The following KAT2B variants were observed in gnomAD, a reference collection of about 807,000 sequenced individuals.
KAT2B encodes histone acetyltransferase KAT2B.
A neutral mutation model predicts 105.9 loss-of-function variants in KAT2B; 36 were observed. The observed-to-expected ratio is 0.34, with a 90% confidence interval of 0.26 to 0.45. The LOEUF is 0.45. KAT2B is among the 20% of genes least tolerant of loss of function. The probability of loss-of-function intolerance (pLI) is 1.00; values close to 1 mark genes in which losing one functional copy is unlikely to be tolerated. For synonymous variants in KAT2B, 397 were observed against 377.9 expected, an observed-to-expected ratio of 1.05 and a Z score of -0.59; for missense variants, 820 against 1,021.6, an observed-to-expected ratio of 0.80 and a Z score of 2.69.
chr3:20,130,039 A>G (rs1002401806), intron 11 of KAT2B, among the ~76,000 whole-genome samples: 1 of 151,884 alleles, frequency 6.6e-6, no homozygotes, highest in Admixed American at 6.5e-5. Flanking sequence ...GAATGCAGTG[A>G]TGTGATCTGC....
chr3:20,056,014 G>T (rs1697998291), intron 1 of KAT2B, among the ~76,000 whole-genome samples: 1 of 152,190 alleles, frequency 6.6e-6, no homozygotes, highest in African/African-American at 2.4e-5. Flanking sequence ...GGACGTACTA[G>T]TTTGTTTATC....
intron 5 of KAT2B, among the ~76,000 whole-genome samples, chr3:20,110,170 A>G (rs1201680366): frequency 6.6e-6 from 1 of 152,208 alleles, no homozygotes; most frequent in Non-Finnish European, 1.5e-5. Flanking sequence ...GAGAACAGGA[A>G]AGCACATAGG....
chr3:20,150,021 A>G (rs1312688371), intron 17 of KAT2B, among the ~76,000 whole-genome samples: 2 of 152,176 alleles, frequency 1.3e-5, no homozygotes, highest in Non-Finnish European at 2.9e-5. Context: ...CGTCGATCAT[A>G]GCCTACTTGC....
chr3:20,042,773 G>A (rs1295927322), intron 1 of KAT2B, among the ~76,000 whole-genome samples: 1 of 152,110 alleles, frequency 6.6e-6, no homozygotes, highest in Non-Finnish European at 1.5e-5. Flanking sequence ...GAGCATATGT[G>A]GCCTGCATTG....
At chr3:20,095,524 T>G in intron 3 of KAT2B, 116 bp downstream of exon 3, 1 of 646,622 alleles carries the variant, frequency 1.5e-6, no homozygotes, top group East Asian at 2.8e-5. Context: ...GCCCTCAGAG[T>G]TTGCTGAACA....
At position 20,099,927 on chromosome 3, in the gene KAT2B, C is replaced by G. The variant is rs910841682; in HGVS notation, c.642C>G (p.Pro214=). The G allele has an allele frequency of 1.9e-6, 3 of 1,605,584 alleles. No homozygotes were observed. The highest frequency in any genetic ancestry group is 2.2e-5 in the South Asian group (2 of 90,816). The change falls in exon 4 of 18, where the codon CCC becomes CCG. Residue 214 remains proline, a synonymous_variant. Coordinates refer to ENST00000263754, the MANE Select transcript of KAT2B (RefSeq NM_003884.5). The part of the protein sequence containing the change: ...PVVEGSLEKK[P]PFEKPSIEQG... ...TTGAAGGCTCTTTGGAAAAGAAACC[C>G]CCATTTGAAAAACCTAGCATTGAAC... is the stretch of plus-strand genomic sequence containing the variant.
chr3:20,120,642 C>T (rs866519748), intron 8 of KAT2B, among the ~76,000 whole-genome samples: 2 of 152,160 alleles, frequency 1.3e-5, no homozygotes, highest in Admixed American at 6.5e-5. Flanking sequence ...TGCAAAGTCA[C>T]ATAGCAAAGA....
chr3:20,122,084 T>C (rs569690791), intron 8 of KAT2B, among the ~76,000 whole-genome samples: 2 of 152,080 alleles, frequency 1.3e-5, no homozygotes, highest in African/African-American at 2.4e-5. Flanking sequence ...CAACCAACGG[T>C]TGAGGCTTTA....
At chr3:20,112,872 A>G (rs549175687) in intron 6 of KAT2B, among the ~76,000 whole-genome samples, 1 of 152,348 alleles carries the variant, frequency 6.6e-6, no homozygotes, top group South Asian at 2.1e-4. Context: ...AATTCATAAC[A>G]ATAAGTTAGG....
chr3:20,062,586 C>CAGCTA (rs1165504694), intron 1 of KAT2B, among the ~76,000 whole-genome samples: 2 of 150,400 alleles, frequency 1.3e-5, no homozygotes, highest in Non-Finnish European at 3.0e-5. Context: ...CTCAGCTTCC[C>CAGCTA]GAGTAGCTGG....
At chr3:20,065,643 A>T (rs1428733785) in intron 1 of KAT2B, among the ~76,000 whole-genome samples, 1 of 152,150 alleles carries the variant, frequency 6.6e-6, no homozygotes, top group African/African-American at 2.4e-5. Flanking sequence ...AAAATTTTGT[A>T]CACTTAGGTT....
intron 13 of KAT2B, among the ~76,000 whole-genome samples, chr3:20,145,260 A>G (rs767461506): frequency 6.6e-6 from 1 of 152,246 alleles, no homozygotes; most frequent in Non-Finnish European, 1.5e-5. Flanking sequence ...AAATGCGGCT[A>G]GTAGAAAAAT....
chr3:20,114,153 G>C (rs181618899), intron 6 of KAT2B, among the ~76,000 whole-genome samples: 1 of 151,872 alleles, frequency 6.6e-6, no homozygotes, highest in African/African-American at 2.4e-5. Context: ...TTTCTAATAA[G>C]GTTTCCAGAT....
At chr3:20,145,352 CCATT>C (rs1372841171) in intron 13 of KAT2B, among the ~76,000 whole-genome samples, 2 of 151,986 alleles carry the variant, frequency 1.3e-5, no homozygotes, top group Non-Finnish European at 2.9e-5. Context: ...TTTACTAGTC[CCATT>C]CATTTTATGA....
chr3:20,085,198 T>TA lies in KAT2B; in HGVS notation c.431-10056dup, dbSNP rs879945197. Among the ~76,000 whole-genome samples the TA allele has an allele frequency of 3.3e-5, 5 of 152,036 alleles. No homozygotes were observed. In the South Asian group the frequency reaches 6.2e-4, roughly 19 times the overall value. The stretch of plus-strand genomic sequence containing the variant: ...GACTCCATCTCTATGTCTATTAATT[T>TA]AAAAAAAAAGTTTATAAGACAAAAA... On this transcript the variant is annotated intron_variant, in intron 2 of 17. Transcript: ENST00000263754.
At chr3:20,124,551 T>A (rs1699365115) in intron 9 of KAT2B, among the ~76,000 whole-genome samples, 1 of 152,180 alleles carries the variant, frequency 6.6e-6, no homozygotes, top group South Asian at 2.1e-4. Context: ...GCCCTGATGA[T>A]CCAACACTTC....
At chr3:20,129,638 A>G (rs1345992050) in intron 11 of KAT2B, among the ~76,000 whole-genome samples, 1 of 152,180 alleles carries the variant, frequency 6.6e-6, no homozygotes, top group Non-Finnish European at 1.5e-5. Flanking sequence ...GGTCTCCCCA[A>G]GTGCTGAGAT....
intron 1 of KAT2B, among the ~76,000 whole-genome samples, chr3:20,050,270 A>T (rs1329759977): frequency 6.6e-6 from 1 of 152,104 alleles, no homozygotes; most frequent in Non-Finnish European, 1.5e-5. Flanking sequence ...ACAGTATCTC[A>T]ACATGATAAA....
intron 2 of KAT2B, among the ~76,000 whole-genome samples, chr3:20,094,783 T>C (rs949831108): frequency 7.9e-5 from 12 of 152,156 alleles, no homozygotes; most frequent in Non-Finnish European, 1.5e-4. Context: ...ACTGTCATGA[T>C]ATTCTTTGGT....
Sources: gnomAD v4.1 joint callset for allele counts (sites outside exome capture counted in the v4.1 genomes callset) on GRCh38, gnomAD v4.1.1 for gene constraint, MANE v1.5 for transcripts, NCBI Gene and HGNC (gene_info 2026-07-23, HGNC 2026-07-21) for gene names.